Variants in ATP6V1A observed in about 807,000 individuals in gnomAD.
ATP6V1A encodes the protein ATPase H+ transporting V1 subunit A, also known as V-type proton ATPase catalytic subunit A.
ATP6V1A carries 18 observed loss-of-function variants against 70.1 expected under a neutral mutation model. The observed-to-expected ratio is 0.26, with a 90% CI of 0.18 to 0.38. The LOEUF is 0.38. Among genes scored for constraint, ATP6V1A ranks in the 10% least tolerant of loss-of-function variants. The pLI is 1.00. For missense variants in ATP6V1A, 424 were observed against 772.4 expected (o/e 0.55, Z 5.35); for synonymous variants, 232 against 253.8 (o/e 0.91, Z 0.82).
chr3:113,773,001 G>A (rs1381331401), intron 1 of ATP6V1A, among the ~76,000 whole-genome samples: 1 of 135,252 alleles, frequency 7.4e-6, no homozygotes, highest in Non-Finnish European at 1.5e-5. Context: ...GCAGTGGTGC[G>A]ATCTCGGTTC....
At chr3:113,805,815 C>T (rs1403076323) in intron 14 of ATP6V1A, among the ~76,000 whole-genome samples, 2 of 152,146 alleles carry the variant, frequency 1.3e-5, no homozygotes, top group East Asian at 1.9e-4. Flanking sequence ...GTGATCTGCC[C>T]GCCTTGGCCT....
At chr3:113,768,241 T>C (rs1708795650) in intron 1 of ATP6V1A, among the ~76,000 whole-genome samples, 1 of 152,246 alleles carries the variant, frequency 6.6e-6, no homozygotes. Context: ...GATTCCTGCT[T>C]TTGTCTACAC....
intron 1 of ATP6V1A, among the ~76,000 whole-genome samples, chr3:113,754,500 C>T (rs1346509000): frequency 4.6e-5 from 7 of 151,926 alleles, no homozygotes; most frequent in African/African-American, 1.7e-4. Flanking sequence ...TGCCACTGCA[C>T]TCCAGCCTGG....
At position 113,810,580 on chromosome 3, in the gene ATP6V1A, A is replaced by G. The variant is rs1709330451; in HGVS notation, c.*1153A>G. ...AATCACTGAAAACTTGATCCACATC[A>G]CACCCTGTTTATTTTCCTTAAACAT... On this transcript the variant is annotated 3_prime_UTR_variant, in exon 15 of 15. Transcript: ENST00000273398. 6.6e-6 allele frequency: 1 copy of G among 152,208 alleles called. No homozygotes were observed. The highest frequency in any genetic ancestry group is 2.4e-5 in the African/African-American group (1 of 41,452). 9.4% of individuals were successfully genotyped at this position (152,208 alleles called of 1,614,324 possible). A position where few individuals can be genotyped will look rare whatever the true frequency, so the allele number is the denominator to read the frequency against.
chr3:113,795,068 A>T, intron 9 of ATP6V1A, 22 bp from the exon 10 acceptor site: 1 of 1,613,794 alleles, frequency 6.2e-7, no homozygotes, highest in Non-Finnish European at 8.5e-7. Flanking sequence ...ACTCTGTTTT[A>T]AAATTTCTTT....
chr3:113,747,274 C>T (rs1051976142), intron 1 of ATP6V1A, 161 bp downstream of exon 1: 13 of 152,348 alleles, frequency 8.5e-5, no homozygotes, highest in African/African-American at 2.9e-4. Context: ...TTAACCCCCG[C>T]TCCCCCAAGT....
intron 1 of ATP6V1A, among the ~76,000 whole-genome samples, chr3:113,776,579 A>G (rs993934309): frequency 6.6e-6 from 1 of 152,228 alleles, no homozygotes; most frequent in Non-Finnish European, 1.5e-5. Flanking sequence ...AATTCCATTG[A>G]CATTCAAGCC....
intron 1 of ATP6V1A, among the ~76,000 whole-genome samples, chr3:113,768,417 G>A (rs1019724667): frequency 6.6e-6 from 1 of 152,042 alleles, no homozygotes; most frequent in African/African-American, 2.4e-5. Context: ...TTAATTGAGT[G>A]TGCCAATAAA....
chr3:113,751,341 C>T (rs190844698), intron 1 of ATP6V1A, among the ~76,000 whole-genome samples: 82 of 151,642 alleles, frequency 5.4e-4, no homozygotes, highest in African/African-American at 1.7e-3. Flanking sequence ...TGGAAAATAT[C>T]AGCAAATTAA....
At chr3:113,788,652 A>C in intron 6 of ATP6V1A, 61 bp from the exon 7 acceptor site, 3 of 1,544,596 alleles carry the variant, frequency 1.9e-6, no homozygotes, top group Non-Finnish European at 2.6e-6. Flanking sequence ...CCCGGCCCCT[A>C]CTTTATTTAT....
intron 1 of ATP6V1A, among the ~76,000 whole-genome samples, chr3:113,750,036 G>C (rs1708568372): frequency 6.6e-6 from 1 of 152,188 alleles, no homozygotes; most frequent in African/African-American, 2.4e-5. Context: ...AAGTGGCTCT[G>C]CGTGATCTAT....
At chr3:113,772,933 C>CTTTTTTTTTTTTTTTTTT (rs762901487) in intron 1 of ATP6V1A, among the ~76,000 whole-genome samples, 3 of 90,450 alleles carry the variant, frequency 3.3e-5, no homozygotes, top group African/African-American at 1.3e-4. Context: ...TTAATATTGG[C>CTTTTTTTTTTTTTTTTTT]TTTTTTTTTT....
intron 13 of ATP6V1A, among the ~76,000 whole-genome samples, chr3:113,805,089 A>G (rs1392576458): frequency 4.6e-5 from 7 of 152,234 alleles, no homozygotes; most frequent in Non-Finnish European, 1.0e-4. Context: ...TGATGTTAAC[A>G]GAGAAAAGTA....
At chr3:113,783,092 A>T (rs1245614141) in intron 3 of ATP6V1A, among the ~76,000 whole-genome samples, 1 of 152,198 alleles carries the variant, frequency 6.6e-6, no homozygotes, top group East Asian at 1.9e-4. Context: ...GAAAATACAT[A>T]GTTTAGAGAG....
At chr3:113,799,743 C>G (rs1438659321) in intron 12 of ATP6V1A, among the ~76,000 whole-genome samples, 1 of 152,138 alleles carries the variant, frequency 6.6e-6, no homozygotes, top group Non-Finnish European at 1.5e-5. Flanking sequence ...GAGAATGTCT[C>G]TACACTAGCA....
At chr3:113,761,359 T>G (rs904737930) in intron 1 of ATP6V1A, among the ~76,000 whole-genome samples, 14 of 152,238 alleles carry the variant, frequency 9.2e-5, no homozygotes, top group Admixed American at 7.8e-4. Context: ...TTGGCTAGTT[T>G]AGCTGCTCAT....
chr3:113,803,992 T>C (rs1239589015), intron 13 of ATP6V1A, among the ~76,000 whole-genome samples: 1 of 152,166 alleles, frequency 6.6e-6, no homozygotes, highest in Non-Finnish European at 1.5e-5. Context: ...CCATGTCTCC[T>C]TTACTCTCTT....
In ATP6V1A at chr3:113,801,659, G is replaced by C. The variant is rs1163484169; in HGVS notation, c.1495-1924G>C. ...TGTCCTCTACTGTGAGCAAAAGATG[G>C]AAGGTAAAATAGGGAGGGTGCACAC... On this transcript the variant is annotated intron_variant, in intron 12 of 14. Transcript: ENST00000273398. Among the ~76,000 whole-genome samples the C allele has an allele frequency of 1.8e-4, 28 of 152,126 alleles. 1 individual carries two copies. The highest frequency in any genetic ancestry group is 1.8e-3 in the Admixed American group (28 of 15,264).
At chr3:113,781,483 A>G (rs1280778276) in intron 3 of ATP6V1A, among the ~76,000 whole-genome samples, 1 of 152,132 alleles carries the variant, frequency 6.6e-6, no homozygotes, top group Admixed American at 6.6e-5. Context: ...GCACCACTGC[A>G]CTCCAGCCTG....
Sources: allele counts gnomAD v4.1 joint callset (sites outside exome capture counted in the v4.1 genomes callset), GRCh38; gene constraint gnomAD v4.1.1; transcripts MANE v1.5; gene names NCBI Gene and HGNC (gene_info 2026-07-23, HGNC 2026-07-21).